The following MTSS1 variants were observed in gnomAD, a reference collection of about 807,000 sequenced individuals.
MTSS1 encodes protein MTSS 1.
In MTSS1, 18 loss-of-function variants were observed where a neutral mutation model predicts 79.0. The ratio of observed to expected loss-of-function variants is 0.23; its 90% confidence interval spans 0.16 to 0.34. The LOEUF is 0.34. MTSS1 is among the 10% of genes least tolerant of loss of function. The pLI, the probability that MTSS1 is intolerant of heterozygous loss-of-function variation, is 1.00. For missense variants in MTSS1, 815 were observed against 986.2 expected, an observed-to-expected ratio of 0.83 and a Z score of 2.33; for synonymous variants, 341 against 368.6, an observed-to-expected ratio of 0.93 and a Z score of 0.86.
rs749769521 is a variant in MTSS1 at position 124,551,634 on chromosome 8, A to G, written c.*1358T>C. On this transcript the variant is annotated 3_prime_UTR_variant, in exon 14 of 14. Transcript: ENST00000518547. ...AAGGGACTTGCTTGCTTTCTTAAACACTATTGTCTTCAAATGTGATCCCTT... is the reference window on the plus strand; with the variant it reads ...AAGGGACTTGCTTGCTTTCTTAAACGCTATTGTCTTCAAATGTGATCCCTT... 2 of 152,482 alleles carry G rather than the reference A, an allele frequency of 1.3e-5. No individual in the cohort carries two copies. The highest frequency in any genetic ancestry group is 2.9e-5 in the Non-Finnish European group (2 of 68,050). 9.4% of individuals were successfully genotyped at this position (152,482 alleles called of 1,614,324 possible). A position where few individuals can be genotyped will look rare whatever the true frequency, so the allele number is the denominator to read the frequency against.
chr8:124,673,944 G>T (rs992163067), intron 3 of MTSS1, among the ~76,000 whole-genome samples: 6 of 152,062 alleles, frequency 3.9e-5, no homozygotes, highest in African/African-American at 1.4e-4. Context: ...CCAGACACAG[G>T]AAGGGTCCTC....
chr8:124,672,404 G>T (rs992068758), intron 3 of MTSS1, among the ~76,000 whole-genome samples: 2 of 151,868 alleles, frequency 1.3e-5, no homozygotes, highest in Non-Finnish European at 2.9e-5. Flanking sequence ...TGAAGCAGGA[G>T]AATCGCTTGA....
intron 5 of MTSS1, among the ~76,000 whole-genome samples, chr8:124,588,817 C>T (rs1831325571): frequency 6.6e-6 from 1 of 152,112 alleles, no homozygotes; most frequent in Non-Finnish European, 1.5e-5. Context: ...TGGGTTCAAA[C>T]AATTCTCGTG....
intron 3 of MTSS1, among the ~76,000 whole-genome samples, chr8:124,613,218 C>T (rs772154879): frequency 6.6e-6 from 1 of 152,176 alleles, no homozygotes; most frequent in Non-Finnish European, 1.5e-5. Context: ...GGTCACTGTT[C>T]CAGCTCTCCC....
At chr8:124,708,425 C>T (rs1241328812) in intron 1 of MTSS1, among the ~76,000 whole-genome samples, 1 of 152,134 alleles carries the variant, frequency 6.6e-6, no homozygotes, top group African/African-American at 2.4e-5. Context: ...GACTGGAACC[C>T]CCCTTTTAGA....
intron 3 of MTSS1, among the ~76,000 whole-genome samples, chr8:124,649,507 G>A (rs1819581189): frequency 6.6e-6 from 1 of 152,100 alleles, no homozygotes; most frequent in Non-Finnish European, 1.5e-5. Flanking sequence ...ATACAATTCA[G>A]GCATCAATAC....
intron 3 of MTSS1, among the ~76,000 whole-genome samples, chr8:124,639,347 A>G (rs1378065875): frequency 6.6e-6 from 1 of 152,222 alleles, no homozygotes; most frequent in Admixed American, 6.5e-5. Flanking sequence ...CCAAAAAACA[A>G]AAGTGTTGCC....
Position 124,582,749 on chromosome 8 carries a change from G to C in MTSS1, c.460+2338C>G, listed in dbSNP as rs553717385. Reference sequence around the variant, plus strand: ...TTGAAGGAGATGAAACAGATCCCTCGAGGTGTTCTAGTAGAAAGGGAAATG... The same window carrying C: ...TTGAAGGAGATGAAACAGATCCCTCCAGGTGTTCTAGTAGAAAGGGAAATG... On this transcript the variant is annotated intron_variant, in intron 6 of 13. Coordinates refer to ENST00000518547, the MANE Select transcript of MTSS1 (RefSeq NM_014751.6). This position sits in a 1 kb window ranked among gnomAD's most constrained non-coding sequence, Gnocchi z 4.8. 6.6e-6 allele frequency among the ~76,000 whole-genome samples: 1 copy of C among 152,160 alleles called. No individual in the cohort carries two copies. The highest frequency in any genetic ancestry group is 2.4e-5 in the African/African-American group (1 of 41,444).
At chr8:124,603,385 G>A (rs1018454537) in intron 3 of MTSS1, among the ~76,000 whole-genome samples, 4 of 152,194 alleles carry the variant, frequency 2.6e-5, no homozygotes, top group African/African-American at 9.7e-5. Context: ...GGACTTCCAC[G>A]CTTGCTGCTG....
chr8:124,691,560 G>A (rs1441617002), intron 3 of MTSS1, among the ~76,000 whole-genome samples: 3 of 152,076 alleles, frequency 2.0e-5, no homozygotes, highest in African/African-American at 7.2e-5. Context: ...CTGTTGCCCA[G>A]GCTGGAGTAC....
intron 1 of MTSS1, among the ~76,000 whole-genome samples, chr8:124,705,832 T>C (rs1324672487): frequency 6.6e-6 from 1 of 152,226 alleles, no homozygotes; most frequent in Non-Finnish European, 1.5e-5. Context: ...GGGGCTGTCC[T>C]GCACATTTAA....
chr8:124,702,814 T>G (rs969582657), intron 2 of MTSS1, among the ~76,000 whole-genome samples: 7 of 152,168 alleles, frequency 4.6e-5, no homozygotes, highest in African/African-American at 1.7e-4. Flanking sequence ...ATCAAAATAA[T>G]TCCTTTTTAA....
chr8:124,696,851 CAAAAAAAAAAAAAG>C (rs1828920469), intron 3 of MTSS1, among the ~76,000 whole-genome samples: 1 of 129,140 alleles, frequency 7.7e-6, no homozygotes, highest in South Asian at 2.4e-4. Flanking sequence ...GAGTCCGTCT[CAAAAAAAAAAAAAG>C]AAAAAAAAAT....
intron 6 of MTSS1, chr8:124,580,577 C>A (rs1177536712): frequency 6.5e-7 from 1 of 1,535,654 alleles, no homozygotes; most frequent in Admixed American, 2.0e-5. Flanking sequence ...CGGGGGGGCA[C>A]ACGGTGAGAA....
At chr8:124,685,900 G>A (rs770635632) in intron 3 of MTSS1, among the ~76,000 whole-genome samples, 2 of 152,150 alleles carry the variant, frequency 1.3e-5, no homozygotes, top group East Asian at 1.9e-4. Flanking sequence ...CAGGCCACGC[G>A]GGGTGAAGGC....
intron 11 of MTSS1, 88 bp downstream of exon 11, chr8:124,557,593 G>C: frequency 7.8e-7 from 1 of 1,286,144 alleles, no homozygotes; most frequent in African/African-American, 1.5e-5. Context: ...AAGGGGATGA[G>C]GGGATAGTCG....
chr8:124,638,399 T>A (rs1221515627), intron 3 of MTSS1, among the ~76,000 whole-genome samples: 1 of 152,236 alleles, frequency 6.6e-6, no homozygotes, highest in Non-Finnish European at 1.5e-5. Context: ...AGTTTAGTAA[T>A]GTTGATAAGT....
intron 6 of MTSS1, among the ~76,000 whole-genome samples, chr8:124,581,628 G>A (rs1374187808): frequency 6.6e-6 from 1 of 151,684 alleles, no homozygotes; most frequent in Non-Finnish European, 1.5e-5. Context: ...GCTAATTTTT[G>A]TATTTTTAGT....
intron 3 of MTSS1, among the ~76,000 whole-genome samples, chr8:124,592,029 ACCCACCTCAGCCT>A (rs1563813913): frequency 6.6e-6 from 1 of 151,896 alleles, no homozygotes; most frequent in East Asian, 1.9e-4. Flanking sequence ...CAGGTGATCC[ACCCACCTCAGCCT>A]CCCAAAGTGC....
Sources: gnomAD v4.1 joint callset for allele counts (sites outside exome capture counted in the v4.1 genomes callset) on GRCh38, gnomAD v4.1.1 for gene constraint, Gnocchi (gnomAD v3.1) non-coding constraint, MANE v1.5 for transcripts, NCBI Gene and HGNC (gene_info 2026-07-23, HGNC 2026-07-21) for gene names.